CRADD: variants seen among roughly 807,000 people sequenced by gnomAD.
CRADD encodes death domain-containing protein CRADD.
A neutral mutation model predicts 15.5 loss-of-function variants in CRADD; 9 were observed. That is an observed-to-expected ratio of 0.58 (90% CI 0.35 to 1.01). The LOEUF is 1.01. Ranked by LOEUF, CRADD falls within the 50% of genes least tolerant of loss-of-function variation. The pLI, the probability that CRADD is intolerant of heterozygous loss-of-function variation, is 0.02. For synonymous variants in CRADD, 118 were observed against 107.6 expected, an observed-to-expected ratio of 1.10 and a Z score of -0.60; for missense variants, 227 against 250.3, an observed-to-expected ratio of 0.91 and a Z score of 0.63.
downstream of CRADD, among the ~76,000 whole-genome samples, chr12:93,855,684 A>T (rs1334374327): frequency 2.6e-5 from 4 of 152,218 alleles, no homozygotes; most frequent in Non-Finnish European, 5.9e-5. Flanking sequence ...GTAAAATGCA[A>T]ACAAATAACA....
chr12:93,818,041 C>G (rs1431306671), intron 2 of CRADD, among the ~76,000 whole-genome samples: 3 of 152,132 alleles, frequency 2.0e-5, no homozygotes, highest in Admixed American at 6.5e-5. Context: ...ATTCCCAGAC[C>G]CAGAGCAGAT....
chr12:93,807,719 T>G (rs1317219401), intron 2 of CRADD, among the ~76,000 whole-genome samples: 1 of 152,124 alleles, frequency 6.6e-6, no homozygotes, highest in Non-Finnish European at 1.5e-5. Context: ...CCAGCTTGGC[T>G]GGTCAGAAGT....
In CRADD at chr12:93,819,735, G is replaced by GC. The variant is rs529284247; in HGVS notation, c.299-30234dup. The stretch of plus-strand genomic sequence containing the variant: ...CTTGGTGTGCGTAAGAGGGCAGGGA[G>GC]CTGACTGTGGGTTGCACCACATAAC... On this transcript the variant is annotated intron_variant, in intron 2 of 2. Coordinates refer to ENST00000332896, the MANE Select transcript of CRADD (RefSeq NM_003805.5). 7.2e-5 allele frequency among the ~76,000 whole-genome samples: 11 copies of GC among 152,354 alleles called. No individual in the cohort carries two copies. In the South Asian group the frequency reaches 1.0e-3, roughly 14 times the overall value.
At chr12:93,801,504 T>G (rs1957476265) in intron 2 of CRADD, among the ~76,000 whole-genome samples, 1 of 152,170 alleles carries the variant, frequency 6.6e-6, no homozygotes, top group African/African-American at 2.4e-5. Flanking sequence ...GTTCAAGTGA[T>G]TCTCCAGCGT....
chr12:93,761,806 A>C (rs1432596784), intron 2 of CRADD, among the ~76,000 whole-genome samples: 1 of 152,180 alleles, frequency 6.6e-6, no homozygotes, highest in Non-Finnish European at 1.5e-5. Flanking sequence ...GAAAATTCTC[A>C]ATAATTTTCC....
intron 2 of CRADD, among the ~76,000 whole-genome samples, chr12:93,891,435 C>T (rs1302535779): frequency 6.6e-6 from 1 of 152,110 alleles, no homozygotes; most frequent in Non-Finnish European, 1.5e-5. Flanking sequence ...TGCAGTGAGC[C>T]GAGATTGTGT....
Position 93,850,103 on chromosome 12 carries a change from T to C in CRADD, c.432T>C (p.Asp144=), listed in dbSNP as rs1430609379. 1 of 1,614,018 alleles carries C rather than the reference T, an allele frequency of 6.2e-7. No individual in the cohort carries two copies. Among genetic ancestry groups the C allele is most frequent in the South Asian group, 1.1e-5 (1 of 91,086 alleles). The change falls in exon 3 of 3, where the codon GAT becomes GAC. Residue 144 remains aspartate, a synonymous_variant. Coordinates refer to ENST00000332896, the MANE Select transcript of CRADD (RefSeq NM_003805.5). The surrounding 1 kb of genome is among the most constrained non-coding windows in gnomAD (Gnocchi z 4.0). ...MVLSLGLSQT[D]IYRCKANHPH... ...TGTCTCTGGGACTGTCCCAGACGGA[T>C]ATCTACCGCTGTAAGGCCAACCACC...
At chr12:93,725,171 T>A (rs1956336219) in intron 2 of CRADD, among the ~76,000 whole-genome samples, 1 of 152,218 alleles carries the variant, frequency 6.6e-6, no homozygotes. Context: ...AGACTTATTA[T>A]TTTTTATGTT....
chr12:93,891,255 G>A (rs1358212288), intron 2 of CRADD, among the ~76,000 whole-genome samples: 2 of 151,856 alleles, frequency 1.3e-5, no homozygotes, highest in African/African-American at 4.8e-5. Context: ...TTGGGAGGCC[G>A]AGACAGGCAG....
At chr12:93,808,834 T>A (rs1410049484) in intron 2 of CRADD, among the ~76,000 whole-genome samples, 1 of 151,710 alleles carries the variant, frequency 6.6e-6, no homozygotes, top group Admixed American at 6.7e-5. Flanking sequence ...TCGGGGAAAG[T>A]AGACCACAGT....
At chr12:93,765,577 G>T (rs556900104) in intron 2 of CRADD, among the ~76,000 whole-genome samples, 2 of 152,162 alleles carry the variant, frequency 1.3e-5, no homozygotes, top group African/African-American at 2.4e-5. Flanking sequence ...TATTGAGGGT[G>T]AGAGGGCATG....
chr12:93,726,914 C>A (rs138476714), intron 2 of CRADD, among the ~76,000 whole-genome samples: 1 of 152,154 alleles, frequency 6.6e-6, no homozygotes, highest in Admixed American at 6.5e-5. Flanking sequence ...CTCAGTTTCA[C>A]GATAACAAGA....
At chr12:93,863,447 T>C (rs1958333830) in intron 2 of CRADD, among the ~76,000 whole-genome samples, 1 of 152,174 alleles carries the variant, frequency 6.6e-6, no homozygotes, top group Non-Finnish European at 1.5e-5. Context: ...TTCATTCTAC[T>C]TCAAAAATAC....
At chr12:93,680,561 AT>A (rs2136787602) in intron 2 of CRADD, among the ~76,000 whole-genome samples, 1 of 152,222 alleles carries the variant, frequency 6.6e-6, no homozygotes, top group East Asian at 1.9e-4. Flanking sequence ...AATATTAGAC[AT>A]AGCTGGCTTT....
intron 2 of CRADD, among the ~76,000 whole-genome samples, chr12:93,695,107 G>A (rs555359231): frequency 5.9e-5 from 9 of 152,144 alleles, no homozygotes; most frequent in Non-Finnish European, 1.3e-4. Context: ...CATGGTGTTG[G>A]CATAAAAACA....
chr12:93,844,745 A>G (rs1298562740), intron 2 of CRADD, among the ~76,000 whole-genome samples: 3 of 152,228 alleles, frequency 2.0e-5, no homozygotes, highest in Admixed American at 6.5e-5. Flanking sequence ...AAACAAAATC[A>G]AACCCAGCCC....
In CRADD at chr12:93,857,482, G is replaced by A. The variant is rs149103443; in HGVS notation, c.299-36568G>A. 2.5e-3 allele frequency among the ~76,000 whole-genome samples: 384 copies of A among 152,350 alleles called. 3 individuals carry two copies. The highest frequency in any genetic ancestry group is 8.8e-3 in the African/African-American group (366 of 41,582). On this transcript the variant is annotated intron_variant, in intron 2 of 2. Coordinates refer to the CRADD transcript ENST00000548483. ...GTTACAGACTGCTGATGAATTTGGTGCTCCTGGTGTGTGCCCTGGCCAAGA... is the reference window on the plus strand; with the variant it reads ...GTTACAGACTGCTGATGAATTTGGTACTCCTGGTGTGTGCCCTGGCCAAGA...
rs140249150 is a variant in CRADD at position 93,716,595 on chromosome 12, G to A, written c.298+37523G>A. On this transcript the variant is annotated intron_variant, in intron 2 of 2. Coordinates refer to ENST00000332896, the MANE Select transcript of CRADD (RefSeq NM_003805.5). ...TGTTTTACTATCGCCATAGTTTTGC[G>A]TTTCTAGACTACTATATCGTTGGAA... 1.5e-3 allele frequency among the ~76,000 whole-genome samples: 227 copies of A among 152,238 alleles called. 2 individuals carry two copies. The highest frequency in any genetic ancestry group is 0.013 in the South Asian group (65 of 4,830).
chr12:93,800,783 T>G (rs1469650500), intron 2 of CRADD, among the ~76,000 whole-genome samples: 2 of 152,204 alleles, frequency 1.3e-5, no homozygotes, highest in African/African-American at 4.8e-5. Context: ...TTACTCAATC[T>G]GTTGATTCAA....
Sources: gnomAD v4.1 joint callset for allele counts (sites outside exome capture counted in the v4.1 genomes callset) on GRCh38, gnomAD v4.1.1 for gene constraint, Gnocchi (gnomAD v3.1) non-coding constraint, MANE v1.5 for transcripts, NCBI Gene and HGNC (gene_info 2026-07-23, HGNC 2026-07-21) for gene names.